USP16: variants seen among roughly 807,000 people sequenced by gnomAD.
The protein encoded by USP16 is ubiquitin specific peptidase 16.
USP16 carries 77 observed loss-of-function variants against 95.9 expected under a neutral mutation model. The observed-to-expected ratio is 0.80, with a 90% confidence interval of 0.67 to 0.97. USP16 has a LOEUF of 0.97. Among genes scored for constraint, USP16 ranks in the 50% least tolerant of loss-of-function variants. The probability of loss-of-function intolerance (pLI) is 0.00; values close to 1 mark genes in which losing one functional copy is unlikely to be tolerated. For synonymous variants in USP16, 303 were observed against 318.2 expected (o/e 0.95, Z 0.51); for missense variants, 943 against 959.9 (o/e 0.98, Z 0.23).
Position 29,036,281 on chromosome 21 carries a change from T to A in USP16, c.355T>A (p.Cys119Ser). The A allele has an allele frequency of 6.2e-7, 1 of 1,610,432 alleles. No homozygotes were observed. Among genetic ancestry groups the A allele is most frequent in the Non-Finnish European group, 8.5e-7 (1 of 1,177,934 alleles). The stretch of plus-strand genomic sequence containing the variant: ...ATTTTTGGGTCACAGGTGTTACGTA[T>A]GTGATAATGAGGTCCAGTATTGTAG... Reference protein sequence around the residue: ...LDNWSVWCYVCDNEVQYCSSN... With the variant: ...LDNWSVWCYVSDNEVQYCSSN... The change falls in exon 5 of 18, where the codon TGT becomes AGT. Residue 119 changes from cysteine to serine, a missense_variant. By Grantham distance (112) the Cys-to-Ser change is moderately radical. Coordinates refer to ENST00000399976, the MANE Select transcript of USP16 (RefSeq NM_006447.3).
In USP16 at chr21:29,027,950, A is replaced by G. The variant is rs1419465835; in HGVS notation, c.37A>G (p.Ile13Val). 6.2e-7 allele frequency: 1 copy of G among 1,613,400 alleles called. No homozygotes were observed. Among genetic ancestry groups the G allele is most frequent in the Non-Finnish European group, 8.5e-7 (1 of 1,179,634 alleles). Residue 13 changes from isoleucine (I) to valine (V), a missense_variant, in exon 2 of 18, where the codon ATC becomes GTC. Transcript: ENST00000399976. ...KKRTKGKTVPIDDSSETLEPV... is the reference protein window; with the variant it reads ...KKRTKGKTVPVDDSSETLEPV... ...ACGGACAAAGGGAAAAACTGTTCCA[A>G]TCGATGATTCCTCTGAAACTTTAGG...
At chr21:29,051,752 A>G (rs1311747446) in intron 16 of USP16, among the ~76,000 whole-genome samples, 1 of 151,972 alleles carries the variant, frequency 6.6e-6, no homozygotes, top group African/African-American at 2.4e-5. Context: ...AATTGCTGGA[A>G]CCTGGGAGGC....
chr21:29,043,531 G>T lies in USP16; in HGVS notation c.1288G>T (p.Asp430Tyr). The T allele has an allele frequency of 6.3e-7, 1 of 1,599,136 alleles. No individual in the cohort carries two copies. The highest frequency in any genetic ancestry group is 8.5e-7 in the Non-Finnish European group (1 of 1,174,238). Residue 430 changes from aspartate to tyrosine, a missense_variant, in exon 13 of 18, where the codon GAT (aspartate) becomes TAT (tyrosine). Transcript: ENST00000399976. Reference sequence around the variant, plus strand: ...CGACAGTTACATAAAAGAGAGAAGTGATATTCCTTCTGGAACAAGTAAGCA... The same window carrying T: ...CGACAGTTACATAAAAGAGAGAAGTTATATTCCTTCTGGAACAAGTAAGCA... ...DNDSYIKERS[D>Y]IPSGTSKHLQ...
chr21:29,054,325 T>C lies in USP16; in HGVS notation c.*138T>C. ...GAAGAAATCATGTTTATTTAAATAT[T>C]GAAGGGAAAAATACCTAAAAATGTA... On this transcript the variant is annotated 3_prime_UTR_variant, in exon 18 of 18. Transcript: ENST00000399976. 8.8e-7 allele frequency: 1 copy of C among 1,139,796 alleles called. No homozygotes were observed. The highest frequency in any genetic ancestry group is 1.2e-6 in the Non-Finnish European group (1 of 827,682). The allele number at this position is 1,139,796 out of a possible 1,614,324, so 70.6% of individuals were successfully genotyped here.
At chr21:29,052,533 G>T (rs1047220803) in intron 16 of USP16, 2 of 152,210 alleles carry the variant, frequency 1.3e-5, no homozygotes, top group Non-Finnish European at 2.9e-5. Context: ...CCATGATTCA[G>T]TTGCGTCCCA....
intron 12 of USP16, chr21:29,042,766 T>TAC (rs2085264294): frequency 2.5e-6 from 1 of 406,318 alleles, no homozygotes; most frequent in Non-Finnish European, 4.3e-6. Flanking sequence ...GTTTGATTGG[T>TAC]TTCCATACAG....
At chr21:29,044,229 C>T (rs918006721) in intron 13 of USP16, among the ~76,000 whole-genome samples, 5 of 150,834 alleles carry the variant, frequency 3.3e-5, no homozygotes, top group East Asian at 2.0e-4. Context: ...CCACCGCGCC[C>T]GGCCGACCAC....
chr21:29,046,996 A>G lies in USP16; in HGVS notation c.1686A>G (p.Leu562=), dbSNP rs201426689. ...SPTRNLNGAY[L]TEGSNGEVDI... is the part of the protein sequence containing the mutation. ...CTAGGAATTTAAATGGTGCCTACCT[A>G]ACGGAAGGGAGCAATGGAGAAGTGG... Residue 562 remains leucine (L), a synonymous_variant, in exon 14 of 18, where the codon CTA becomes CTG. Coordinates refer to ENST00000399976, the MANE Select transcript of USP16 (RefSeq NM_006447.3). The G allele has an allele frequency of 1.2e-6, 2 of 1,614,116 alleles. No individual in the cohort carries two copies. Among genetic ancestry groups the G allele is most frequent in the East Asian group, 4.5e-5 (2 of 44,874 alleles).
At chr21:29,053,980 A>G in intron 17 of USP16, 22 bp downstream of exon 17, 1 of 1,613,498 alleles carries the variant, frequency 6.2e-7, no homozygotes, top group Non-Finnish European at 8.5e-7. Context: ...TGGAAAATTC[A>G]GGCACTCAGC....
chr21:29,047,209 C>A lies in USP16; in HGVS notation c.1899C>A (p.Ile633=), dbSNP rs902949702. The change falls in exon 14 of 18, where the codon ATC becomes ATA. Residue 633 remains isoleucine (I), a synonymous_variant. Transcript: ENST00000399976. ...REVFNTDECS[I]QHCLYQFTRN... The stretch of plus-strand genomic sequence containing the variant: ...TTTTCAATACTGATGAGTGTTCAAT[C>A]CAACATTGTTTATATCAGTTCACCC... The A allele has an allele frequency of 1.2e-6, 2 of 1,614,004 alleles. No homozygotes were observed. The highest frequency in any genetic ancestry group is 1.7e-6 in the Non-Finnish European group (2 of 1,180,034).
chr21:29,042,012 G>C lies in USP16; in HGVS notation c.1031-1G>C. 6.2e-7 allele frequency: 1 copy of C among 1,611,062 alleles called. No homozygotes were observed. Among genetic ancestry groups the C allele is most frequent in the Non-Finnish European group, 8.5e-7 (1 of 1,178,608 alleles). On this transcript the variant is annotated splice_acceptor_variant, in intron 10 of 17. Coordinates refer to ENST00000399976, the MANE Select transcript of USP16 (RefSeq NM_006447.3). LOFTEE classifies it high-confidence loss of function. ...ATTGATAGACTTTTTTTTCTCCATA[G>C]ATTATGAGAAGAAAAAATCAATGCC...
intron 3 of USP16, among the ~76,000 whole-genome samples, chr21:29,031,462 G>A (rs2085075265): frequency 6.6e-6 from 1 of 152,016 alleles, no homozygotes; most frequent in African/African-American, 2.4e-5. Context: ...TTTTTGAGAT[G>A]GGGTCTCACT....
chr21:29,054,132 CA>C lies in USP16; in HGVS notation c.2419del (p.Thr807LeufsTer4), dbSNP rs772815429. On this transcript the variant is annotated frameshift_variant, in exon 18 of 18. Transcript: ENST00000399976. LOFTEE classifies it high-confidence loss of function. The stretch of plus-strand genomic sequence containing the variant: ...GACACACATGTGCAAGCTGTGCCTA[CA>C]ACTAAAGTACTAAACTCACAAGCGT... ...ISDTHVQAVP[T>X]TKVLNSQAYL... 30 of 1,614,078 alleles carry C rather than the reference CA, an allele frequency of 1.9e-5. No individual in the cohort carries two copies. Among genetic ancestry groups the C allele is most frequent in the Non-Finnish European group, 2.5e-5 (30 of 1,180,032 alleles).
chr21:29,036,371 C>T lies in USP16; in HGVS notation c.445C>T (p.Pro149Ser), dbSNP rs1452599569. 6.2e-7 allele frequency: 1 copy of T among 1,613,248 alleles called. No homozygotes were observed. Among genetic ancestry groups the T allele is most frequent in the South Asian group, 1.1e-5 (1 of 90,904 alleles). ...RKQASITTPK[P>S]AEKDNGNIEL... ...ACAAGCCAGCATTACAACTCCAAAG[C>T]CAGGTAAAATAATTTGTTTCTTTAA... The change falls in exon 5 of 18, where the codon CCA becomes TCA. Residue 149 changes from proline to serine, a missense_variant. Transcript: ENST00000399976.
chr21:29,025,711 C>T (rs1262168593), intron 1 of USP16: 5 of 983,306 alleles, frequency 5.1e-6, no homozygotes, highest in South Asian at 9.4e-5. Flanking sequence ...TTCACCAGAA[C>T]TTGTTTGCTT....
At chr21:29,048,541 CAGTA>C (rs1418923987) in intron 14 of USP16, among the ~76,000 whole-genome samples, 1 of 152,090 alleles carries the variant, frequency 6.6e-6, no homozygotes, top group Non-Finnish European at 1.5e-5. Context: ...TTGATTTCAT[CAGTA>C]AGAATTTATG....
At chr21:29,027,082 G>A (rs1202698795) in intron 1 of USP16, among the ~76,000 whole-genome samples, 1 of 152,102 alleles carries the variant, frequency 6.6e-6, no homozygotes, top group African/African-American at 2.4e-5. Context: ...GAACTTGGGT[G>A]CTATTTTATG....
chr21:29,037,188 CACA>C, intron 5 of USP16, 85 bp from the exon 6 acceptor site: 1 of 793,736 alleles, frequency 1.3e-6, no homozygotes, highest in Non-Finnish European at 1.8e-6. Flanking sequence ...CAGGTAAACT[CACA>C]AACTCTAGTA....
At chr21:29,039,334 A>C (rs985481886) in intron 8 of USP16, 147 bp from the exon 9 acceptor site, 1 of 1,082,630 alleles carries the variant, frequency 9.2e-7, no homozygotes, top group Non-Finnish European at 1.2e-6. Flanking sequence ...TGATAGTTAA[A>C]TCTCCCAAGG....
Sources: allele counts gnomAD v4.1 joint callset (sites outside exome capture counted in the v4.1 genomes callset), GRCh38; gene constraint gnomAD v4.1.1; transcripts MANE v1.5; gene names NCBI Gene and HGNC (gene_info 2026-07-23, HGNC 2026-07-21).